SEMA6D: variants seen among roughly 807,000 people sequenced by gnomAD.
The protein encoded by SEMA6D is semaphorin-6D.
A neutral mutation model predicts 106.6 loss-of-function variants in SEMA6D; 35 were observed. That is an observed-to-expected ratio of 0.33 (90% CI 0.25 to 0.44). SEMA6D has a LOEUF of 0.44. Ranked by LOEUF, SEMA6D falls within the 20% of genes least tolerant of loss-of-function variation. The pLI, the probability that SEMA6D is intolerant of heterozygous loss-of-function variation, is 1.00. For missense variants in SEMA6D, 1,185 were observed against 1,345.9 expected, an observed-to-expected ratio of 0.88 and a Z score of 1.87; for synonymous variants, 499 against 487.7, an observed-to-expected ratio of 1.02 and a Z score of -0.31.
chr15:47,730,902 C>G, intron 1 of SEMA6D: 1 of 854,364 alleles, frequency 1.2e-6, no homozygotes, highest in Admixed American at 1.8e-5. Context: ...GCCGGAGCCA[C>G]CTTCTTTCCC....
intron 4 of SEMA6D, among the ~76,000 whole-genome samples, chr15:47,693,306 A>G (rs570520943): frequency 2.6e-5 from 4 of 152,164 alleles, no homozygotes; most frequent in Non-Finnish European, 5.9e-5. Flanking sequence ...GAGGGAACCA[A>G]GCTTGCCAAC....
intron 3 of SEMA6D, among the ~76,000 whole-genome samples, chr15:47,472,729 A>T (rs1363630764): frequency 6.6e-6 from 1 of 152,234 alleles, no homozygotes; most frequent in Non-Finnish European, 1.5e-5. Flanking sequence ...ATTAAATGAG[A>T]TACACATATA....
At chr15:47,634,254 G>A (rs1342358255) in intron 4 of SEMA6D, among the ~76,000 whole-genome samples, 1 of 152,128 alleles carries the variant, frequency 6.6e-6, no homozygotes, top group Non-Finnish European at 1.5e-5. Context: ...AATCAGTGGG[G>A]TGAACATTCA....
chr15:47,661,062 C>T (rs759001974), intron 4 of SEMA6D, among the ~76,000 whole-genome samples: 2 of 152,200 alleles, frequency 1.3e-5, no homozygotes, highest in Non-Finnish European at 2.9e-5. Context: ...GAAAAGTGGA[C>T]CTTCTTTCCT....
chr15:47,286,601 C>T (rs2035373108), intron 1 of SEMA6D, among the ~76,000 whole-genome samples: 1 of 151,898 alleles, frequency 6.6e-6, no homozygotes, highest in South Asian at 2.1e-4. Context: ...TAATATCTTC[C>T]TCTTCATTTT....
At position 47,514,018 on chromosome 15, in the gene SEMA6D, G is replaced by A. The variant is rs377035735; in HGVS notation, c.-87+43473G>A. The stretch of plus-strand genomic sequence containing the variant: ...ATAGAAACTGAGATTCTAGAGGGTG[G>A]AAAACTGTACCTTTACACCCACTCT... On this transcript the variant is annotated intron_variant, in intron 3 of 19. Coordinates refer to the SEMA6D transcript ENST00000558014. Among the ~76,000 whole-genome samples the A allele has an allele frequency of 5.3e-5, 8 of 152,310 alleles. No individual in the cohort carries two copies. The East Asian group carries it at 1.5e-3, about 29-fold the overall frequency.
chr15:47,306,053 C>T (rs2036218531), intron 1 of SEMA6D, among the ~76,000 whole-genome samples: 1 of 152,070 alleles, frequency 6.6e-6, no homozygotes, highest in Non-Finnish European at 1.5e-5. Context: ...ACGATTTTGG[C>T]TCACTGCAAT....
At chr15:47,244,377 T>C (rs187532752) in intron 1 of SEMA6D, among the ~76,000 whole-genome samples, 16 of 152,276 alleles carry the variant, frequency 1.1e-4, no homozygotes, top group African/African-American at 3.4e-4. Context: ...TTACTAAGGA[T>C]TAGTCATGCA....
intron 1 of SEMA6D, among the ~76,000 whole-genome samples, chr15:47,299,592 A>C (rs893329025): frequency 1.3e-5 from 2 of 152,222 alleles, no homozygotes; most frequent in African/African-American, 4.8e-5. Context: ...GCATACATGG[A>C]GCTACTTCAA....
intron 13 of SEMA6D, chr15:47,765,391 C>G (rs2082283178): frequency 3.0e-5 from 33 of 1,099,632 alleles, no homozygotes; most frequent in Non-Finnish European, 3.7e-5. Context: ...CACACACACA[C>G]AAATATACAT....
At chr15:47,432,738 G>A (rs2041579844) in intron 2 of SEMA6D, among the ~76,000 whole-genome samples, 1 of 152,048 alleles carries the variant, frequency 6.6e-6, no homozygotes, top group South Asian at 2.1e-4. Flanking sequence ...AGATGAAAAA[G>A]CAACTCTATA....
intron 1 of SEMA6D, among the ~76,000 whole-genome samples, chr15:47,341,209 G>A (rs1391311764): frequency 6.6e-6 from 1 of 151,968 alleles, no homozygotes; most frequent in African/African-American, 2.4e-5. Flanking sequence ...GGCCAACATG[G>A]TGAAACCCCA....
rs543920915 is a variant in SEMA6D at position 47,278,395 on chromosome 15, G to T, written c.-239+93977G>T. Among the ~76,000 whole-genome samples the T allele has an allele frequency of 7.9e-5, 12 of 151,610 alleles. No homozygotes were observed. The East Asian group carries it at 2.1e-3, about 27-fold the overall frequency. On this transcript the variant is annotated intron_variant, in intron 1 of 19. Coordinates refer to the SEMA6D transcript ENST00000558014. ...TGAGCATCTTTTCATGTGTTTTTTG[G>T]CTGCATAAATGTCTTCTTTTGAGAA...
chr15:47,492,862 T>TAG (rs1192176782), intron 3 of SEMA6D, among the ~76,000 whole-genome samples: 1 of 152,146 alleles, frequency 6.6e-6, no homozygotes, highest in Non-Finnish European at 1.5e-5. Context: ...TTTTGATAGT[T>TAG]GTCTGAGTCC....
At chr15:47,610,340 C>T (rs192105186) in intron 4 of SEMA6D, among the ~76,000 whole-genome samples, 1 of 152,326 alleles carries the variant, frequency 6.6e-6, no homozygotes, top group African/African-American at 2.4e-5. Flanking sequence ...CCCTTCTAGA[C>T]TTCTACTGGA....
intron 2 of SEMA6D, among the ~76,000 whole-genome samples, chr15:47,449,211 A>AT: frequency 6.6e-6 from 1 of 152,260 alleles, no homozygotes; most frequent in South Asian, 2.1e-4. Context: ...TTATTGAAAT[A>AT]TAAGACATGG....
At chr15:47,692,941 A>C (rs995616021) in intron 4 of SEMA6D, among the ~76,000 whole-genome samples, 2 of 152,178 alleles carry the variant, frequency 1.3e-5, no homozygotes, top group African/African-American at 2.4e-5. Flanking sequence ...ATCTTACAAA[A>C]AGGAGTAGAG....
At chr15:47,383,970 CAT>C (rs1161265425) in intron 1 of SEMA6D, among the ~76,000 whole-genome samples, 3 of 152,226 alleles carry the variant, frequency 2.0e-5, no homozygotes, top group South Asian at 2.1e-4. Flanking sequence ...GATTCACACA[CAT>C]AGAGTGTTTT....
At chr15:47,762,652 G>A (rs180749827) in intron 8 of SEMA6D, among the ~76,000 whole-genome samples, 10 of 152,164 alleles carry the variant, frequency 6.6e-5, no homozygotes, top group East Asian at 3.8e-4. Context: ...AGAGAGAATC[G>A]ATTAGTCCGT....
Sources: gnomAD v4.1 joint callset for allele counts (sites outside exome capture counted in the v4.1 genomes callset) on GRCh38, gnomAD v4.1.1 for gene constraint, MANE v1.5 for transcripts, NCBI Gene and HGNC (gene_info 2026-07-23, HGNC 2026-07-21) for gene names.